Variants in PLCG2 observed in about 807,000 individuals in gnomAD.
PLCG2 encodes 1-phosphatidylinositol 4,5-bisphosphate phosphodiesterase gamma-2.
PLCG2 carries 69 observed loss-of-function variants against 175.6 expected under a neutral mutation model. The ratio of observed to expected loss-of-function variants is 0.39; its 90% CI spans 0.32 to 0.48. The LOEUF is 0.48. Ranked by LOEUF, PLCG2 falls within the 20% of genes least tolerant of loss-of-function variation. The probability of loss-of-function intolerance (pLI) is 0.91; values close to 1 mark genes in which losing one functional copy is unlikely to be tolerated. For missense variants in PLCG2, 1,798 were observed against 1,650.9 expected, an observed-to-expected ratio of 1.09 and a Z score of -1.54; for synonymous variants, 827 against 624.0, an observed-to-expected ratio of 1.33 and a Z score of -4.85.
At chr16:81,918,576 CT>C (rs1909936338) in intron 19 of PLCG2, among the ~76,000 whole-genome samples, 1 of 152,096 alleles carries the variant, frequency 6.6e-6, no homozygotes, top group South Asian at 2.1e-4. Flanking sequence ...GGATTTATTT[CT>C]TGGCTATCTA....
At chr16:81,756,155 C>T (rs912673889) in intron 2 of PLCG2, among the ~76,000 whole-genome samples, 1 of 152,208 alleles carries the variant, frequency 6.6e-6, no homozygotes, top group African/African-American at 2.4e-5. Context: ...CATTATTCCG[C>T]AAGATCAAAT....
intron 31 of PLCG2, among the ~76,000 whole-genome samples, chr16:81,953,495 C>T (rs993398464): frequency 1.3e-5 from 2 of 151,866 alleles, no homozygotes; most frequent in African/African-American, 2.4e-5. Context: ...GTGTATTTTT[C>T]CCCCCAACAA....
At chr16:81,840,249 A>C (rs1905748254) in intron 2 of PLCG2, among the ~76,000 whole-genome samples, 1 of 152,092 alleles carries the variant, frequency 6.6e-6, no homozygotes, top group Admixed American at 6.5e-5. Flanking sequence ...CTGGCCCCTG[A>C]GCTGCCCACC....
chr16:81,840,674 A>G (rs2143422698), intron 2 of PLCG2, among the ~76,000 whole-genome samples: 1 of 152,268 alleles, frequency 6.6e-6, no homozygotes, highest in Non-Finnish European at 1.5e-5. Flanking sequence ...ATCTGACAGG[A>G]GGTGGAGCTC....
At chr16:81,857,193 G>A (rs12930890) in intron 3 of PLCG2, among the ~76,000 whole-genome samples, 14,508 of 152,140 alleles carry the variant, frequency 0.095, 722 homozygotes, top group Middle Eastern at 0.1. Context: ...TGATGTCTCC[G>A]TCATCCCTCT....
chr16:81,956,954 G>A (rs949740852), intron 32 of PLCG2, 75 bp downstream of exon 32: 14 of 1,314,356 alleles, frequency 1.1e-5, no homozygotes, highest in Middle Eastern at 3.8e-4. Flanking sequence ...CACGGGCCAG[G>A]CTTCTGGAAA....
intron 13 of PLCG2, among the ~76,000 whole-genome samples, chr16:81,898,929 A>G (rs971506923): frequency 1.3e-5 from 2 of 150,930 alleles, no homozygotes; most frequent in Admixed American, 6.6e-5. Context: ...TCACGCCTGT[A>G]ATCCCAGCAC....
chr16:81,884,437 G>A (rs1316153265), intron 9 of PLCG2, among the ~76,000 whole-genome samples: 1 of 151,748 alleles, frequency 6.6e-6, no homozygotes, highest in Non-Finnish European at 1.5e-5. Context: ...CAGTGCTGAG[G>A]ACAAGAAACT....
intron 6 of PLCG2, 91 bp from the exon 7 acceptor site, chr16:81,870,761 T>C (rs1907473757): frequency 1.6e-6 from 1 of 621,192 alleles, no homozygotes; most frequent in Admixed American, 3.6e-5. Context: ...TAGCATGCCA[T>C]TTCTGAAACA....
chr16:81,808,548 C>T (rs1035291346), intron 2 of PLCG2, among the ~76,000 whole-genome samples: 3 of 151,972 alleles, frequency 2.0e-5, no homozygotes, highest in Non-Finnish European at 2.9e-5. Context: ...GGCTGGAGTG[C>T]GGTGGCATGA....
chr16:81,893,847 C>T (rs1452580743), intron 12 of PLCG2, 53 bp downstream of exon 12: 6 of 1,100,214 alleles, frequency 5.5e-6, no homozygotes, highest in South Asian at 3.7e-5. Context: ...TGAGGATAAC[C>T]ATGTGGTTGC....
chr16:81,831,935 A>T (rs1459152640), intron 2 of PLCG2, among the ~76,000 whole-genome samples: 1 of 152,210 alleles, frequency 6.6e-6, no homozygotes, highest in Non-Finnish European at 1.5e-5. Flanking sequence ...TGCACAGGCA[A>T]AGCGGGGGCA....
intron 31 of PLCG2, among the ~76,000 whole-genome samples, chr16:81,948,091 A>C (rs1028842786): frequency 7.3e-6 from 1 of 137,228 alleles, no homozygotes; most frequent in African/African-American, 2.5e-5. Context: ...TACTTTATAA[A>C]TAATATAGGT....
At chr16:81,931,872 G>C (rs1158645346) in intron 25 of PLCG2, among the ~76,000 whole-genome samples, 2 of 152,180 alleles carry the variant, frequency 1.3e-5, no homozygotes, top group Non-Finnish European at 2.9e-5. Context: ...CTGGTTGTCT[G>C]GTTCGAACCT....
chr16:81,908,411 C>T lies in PLCG2; in HGVS notation c.1558-5C>T. On this transcript the variant is annotated splice_region_variant and splice_polypyrimidine_tract_variant and intron_variant, in intron 16 of 32. Coordinates refer to ENST00000564138, the MANE Select transcript of PLCG2 (RefSeq NM_002661.5). ...TCAGAAACCCCTCCTCTCTTTGCGG[C>T]CCAGGATATACCCCCTACAGAACTA... 1.2e-6 allele frequency: 2 copies of T among 1,612,834 alleles called. No homozygotes were observed. Among genetic ancestry groups the T allele is most frequent in the Admixed American group, 1.7e-5 (1 of 59,936 alleles).
At chr16:81,787,393 A>ATTTTGTTTTTTTTTTT (rs1911020758) in intron 2 of PLCG2, among the ~76,000 whole-genome samples, 1 of 94,582 alleles carries the variant, frequency 1.1e-5, no homozygotes, top group African/African-American at 4.6e-5. Flanking sequence ...GGATAATTTA[A>ATTTTGTTTTTTTTTTT]TTTTTTTTTT....
intron 25 of PLCG2, among the ~76,000 whole-genome samples, chr16:81,934,136 G>A (rs896853629): frequency 6.6e-6 from 1 of 152,132 alleles, no homozygotes; most frequent in African/African-American, 2.4e-5. Flanking sequence ...AAGACAGAGG[G>A]GTGGTGACAG....
At chr16:81,821,509 G>A (rs1298434625) in intron 2 of PLCG2, among the ~76,000 whole-genome samples, 3 of 152,162 alleles carry the variant, frequency 2.0e-5, no homozygotes, top group Non-Finnish European at 4.4e-5. Context: ...ACAGGCAGCC[G>A]TTGCCTCTTC....
upstream of PLCG2, among the ~76,000 whole-genome samples, chr16:81,774,340 C>G (rs993803283): frequency 6.6e-6 from 1 of 151,694 alleles, no homozygotes; most frequent in East Asian, 1.9e-4. Flanking sequence ...GTAAAAAAAA[C>G]AAAACAAAAC....
Sources: allele counts gnomAD v4.1 joint callset (sites outside exome capture counted in the v4.1 genomes callset), GRCh38; gene constraint gnomAD v4.1.1; transcripts MANE v1.5; gene names NCBI Gene and HGNC (gene_info 2026-07-23, HGNC 2026-07-21).